MYO9A: variants seen among roughly 807,000 people sequenced by gnomAD.
MYO9A encodes the protein myosin IXA, also known as unconventional myosin-IXa.
MYO9A carries 103 observed loss-of-function variants against 293.3 expected under a neutral mutation model. The ratio of observed to expected loss-of-function variants is 0.35; its 90% CI spans 0.30 to 0.41. The LOEUF (loss-of-function observed/expected upper bound fraction) is 0.41. Among genes scored for constraint, MYO9A ranks in the 10% least tolerant of loss-of-function variants. The pLI, the probability that MYO9A is intolerant of heterozygous loss-of-function variation, is 1.00. For synonymous variants in MYO9A, 1,001 were observed against 1,035.7 expected (o/e 0.97, Z 0.64); for missense variants, 2,685 against 3,033.0 (o/e 0.89, Z 2.69).
At chr15:71,859,427 T>A (rs144796567) in intron 34 of MYO9A, among the ~76,000 whole-genome samples, 2,271 of 152,282 alleles carry the variant, frequency 0.015, 54 homozygotes, top group African/African-American at 0.052. Flanking sequence ...CCTAGAAGAT[T>A]TATGAGCATT....
chr15:71,913,667 T>C (rs2057926383), intron 19 of MYO9A, among the ~76,000 whole-genome samples: 2 of 152,210 alleles, frequency 1.3e-5, no homozygotes, highest in Non-Finnish European at 2.9e-5. Flanking sequence ...TGTTAGACAC[T>C]GTGTTTTACA....
chr15:71,893,673 A>G lies in MYO9A; in HGVS notation c.5142+6T>C. On this transcript the variant is annotated splice_donor_region_variant and intron_variant, in intron 26 of 41. Coordinates refer to ENST00000356056, the MANE Select transcript of MYO9A (RefSeq NM_006901.4). ...GAAGATAGATAAACAAAAACTCAAA[A>G]CTTACCTCTCTTTGGCCTGGCCCAG... The G allele has an allele frequency of 6.2e-7, 1 of 1,609,318 alleles. No homozygotes were observed. The highest frequency in any genetic ancestry group is 8.5e-7 in the Non-Finnish European group (1 of 1,176,052).
intron 11 of MYO9A, among the ~76,000 whole-genome samples, chr15:71,982,525 T>C (rs1596320331): frequency 6.6e-6 from 1 of 152,368 alleles, no homozygotes; most frequent in African/African-American, 2.4e-5. Flanking sequence ...CAGCTGTTGA[T>C]GCAGTGTTCT....
intron 9 of MYO9A, among the ~76,000 whole-genome samples, chr15:71,998,420 C>G (rs946788682): frequency 6.6e-6 from 1 of 151,924 alleles, no homozygotes; most frequent in Admixed American, 6.6e-5. Flanking sequence ...ATATAACAAA[C>G]CTGCACTATA....
intron 15 of MYO9A, among the ~76,000 whole-genome samples, chr15:71,944,137 T>C (rs1266211001): frequency 1.3e-5 from 2 of 152,202 alleles, no homozygotes; most frequent in Non-Finnish European, 2.9e-5. Context: ...AGAACACAGA[T>C]AAATCTTCTT....
In MYO9A at chr15:71,935,377, C is replaced by G; in HGVS notation, c.2486G>C (p.Ser829Thr). ...DKDGIFANSTSSKLLERAHGI... is the reference protein window; with the variant it reads ...DKDGIFANSTTSKLLERAHGI... ...ATGGGCTCTCTCCAGGAGTTTGCTG[C>G]TAGTTGAATTAGCAAATATTCCATC... Residue 829 changes from serine (S) to threonine (T), a missense_variant, in exon 17 of 42, where the codon AGC becomes ACC. Ser to Thr is a moderately conservative substitution (Grantham distance 58, BLOSUM62 1). This residue lies in a region of MYO9A where 1,434 missense variants were observed against 1,497.7 expected (regional missense o/e 0.96). Coordinates refer to ENST00000356056, the MANE Select transcript of MYO9A (RefSeq NM_006901.4). 1.2e-6 allele frequency: 2 copies of G among 1,613,592 alleles called. No homozygotes were observed. The highest frequency in any genetic ancestry group is 8.5e-7 in the Non-Finnish European group (1 of 1,179,660).
rs68153189 is a variant in MYO9A at position 72,107,812 on chromosome 15, C to A, written c.-72+9868G>T. On this transcript the variant is annotated intron_variant, in intron 1 of 41. Coordinates refer to ENST00000356056, the MANE Select transcript of MYO9A (RefSeq NM_006901.4). ...AATTTGAGCATCAAAAAAAAAAAAA[C>A]GTCTGCAAATGACTATAATACAACA... 6.6e-3 allele frequency among the ~76,000 whole-genome samples: 979 copies of A among 147,756 alleles called. 12 individuals carry two copies. The highest frequency in any genetic ancestry group is 0.023 in the African/African-American group (927 of 40,428).
chr15:71,955,722 A>G (rs2059161886), intron 14 of MYO9A, among the ~76,000 whole-genome samples: 1 of 152,360 alleles, frequency 6.6e-6, no homozygotes, highest in East Asian at 1.9e-4. Context: ...GATTTAAAGT[A>G]TACAATTAAA....
chr15:72,007,737 A>T, intron 8 of MYO9A, 89 bp downstream of exon 8: 1 of 1,282,006 alleles, frequency 7.8e-7, no homozygotes, highest in Non-Finnish European at 1.1e-6. Flanking sequence ...AACAGAAAGC[A>T]TTAACCCGTT....
At chr15:71,856,470 T>C (rs1266700192) in intron 34 of MYO9A, among the ~76,000 whole-genome samples, 2 of 152,020 alleles carry the variant, frequency 1.3e-5, no homozygotes. Flanking sequence ...GACCTGATGT[T>C]CAACCTTAGT....
intron 6 of MYO9A, among the ~76,000 whole-genome samples, chr15:72,013,860 G>A (rs1596379999): frequency 6.6e-6 from 1 of 152,142 alleles, no homozygotes; most frequent in Non-Finnish European, 1.5e-5. Flanking sequence ...AGGTTGGAGT[G>A]CAGTGGCACA....
intron 18 of MYO9A, among the ~76,000 whole-genome samples, chr15:71,921,955 G>A (rs1319705068): frequency 6.6e-6 from 1 of 151,842 alleles, no homozygotes; most frequent in Non-Finnish European, 1.5e-5. Flanking sequence ...ACTGCATGCT[G>A]CTTCCTGGCA....
intron 1 of MYO9A, among the ~76,000 whole-genome samples, chr15:72,083,427 G>A (rs2079614682): frequency 1.3e-5 from 2 of 151,934 alleles, no homozygotes. Context: ...AGTTTAGCAA[G>A]CAATCTATTA....
At chr15:71,839,967 A>C (rs2055086014) in intron 39 of MYO9A, among the ~76,000 whole-genome samples, 1 of 152,160 alleles carries the variant, frequency 6.6e-6, no homozygotes, top group Non-Finnish European at 1.5e-5. Flanking sequence ...TTGTCTGTGT[A>C]AGAACTGATC....
chr15:71,958,252 G>A (rs2059248553), intron 14 of MYO9A, among the ~76,000 whole-genome samples: 1 of 151,826 alleles, frequency 6.6e-6, no homozygotes, highest in Non-Finnish European at 1.5e-5. Flanking sequence ...AATATTTACG[G>A]TCATTATAAA....
intron 12 of MYO9A, 118 bp from the exon 13 acceptor site, chr15:71,968,243 A>G: frequency 1.2e-6 from 1 of 808,364 alleles, no homozygotes. Flanking sequence ...AGCAGTTTAC[A>G]AAAGTTTTCA....
At position 71,888,047 on chromosome 15, in the gene MYO9A, T is replaced by C. The variant is rs1377561528; in HGVS notation, c.5212A>G (p.Thr1738Ala). 1 of 1,611,174 alleles carries C rather than the reference T, an allele frequency of 6.2e-7. No individual in the cohort carries two copies. The highest frequency in any genetic ancestry group is 1.3e-5 in the African/African-American group (1 of 74,936). The change falls in exon 27 of 42, where the codon ACC becomes GCC. Residue 1738 changes from threonine to alanine, a missense_variant. Physicochemically the swap from Thr to Ala is moderately conservative, Grantham distance 58 (BLOSUM62 0). Around this residue, in one of 10 missense-constraint regions of MYO9A, gnomAD observed 1,434 missense variants for 1,497.7 expected, o/e 0.96. Coordinates refer to ENST00000356056, the MANE Select transcript of MYO9A (RefSeq NM_006901.4). ...LHKTMSQGEI[T>A]KLAVRQKASD... ...GCCTTCTGTCTCACTGCCAACTTGGTAATCTCTCCTTGAGACATAGTCTTA... is the reference window on the plus strand; with the variant it reads ...GCCTTCTGTCTCACTGCCAACTTGGCAATCTCTCCTTGAGACATAGTCTTA...
At chr15:72,068,688 G>A (rs1444998130) in intron 1 of MYO9A, among the ~76,000 whole-genome samples, 2 of 151,718 alleles carry the variant, frequency 1.3e-5, no homozygotes, top group African/African-American at 4.8e-5. Flanking sequence ...ATGTTGCCCA[G>A]GCTAGTCTTG....
intron 14 of MYO9A, among the ~76,000 whole-genome samples, chr15:71,956,663 A>C (rs2059203160): frequency 6.6e-6 from 1 of 150,434 alleles, no homozygotes; most frequent in Non-Finnish European, 1.5e-5. Flanking sequence ...ATATATATCT[A>C]TATATATCTA....
Sources: allele counts gnomAD v4.1 joint callset (sites outside exome capture counted in the v4.1 genomes callset), GRCh38; gene constraint gnomAD v4.1.1; regional missense constraint gnomAD v4.1.1; transcripts MANE v1.5; gene names NCBI Gene and HGNC (gene_info 2026-07-23, HGNC 2026-07-21).